NTNG1: variants seen among roughly 807,000 people sequenced by gnomAD.
NTNG1 encodes the protein netrin G1, also known as netrin-G1.
A neutral mutation model predicts 54.0 loss-of-function variants in NTNG1; 16 were observed. The ratio of observed to expected loss-of-function variants is 0.30; its 90% CI spans 0.20 to 0.45. The LOEUF (loss-of-function observed/expected upper bound fraction) is 0.45. Among genes scored for constraint, NTNG1 ranks in the 20% least tolerant of loss-of-function variants. The pLI is 1.00. For synonymous variants in NTNG1, 255 were observed against 263.1 expected (o/e 0.97, Z 0.30); for missense variants, 530 against 678.7 (o/e 0.78, Z 2.43).
intron 7 of NTNG1, among the ~76,000 whole-genome samples, chr1:107,474,326 A>G (rs542029097): frequency 1.8e-4 from 27 of 152,354 alleles, no homozygotes; most frequent in Admixed American, 7.2e-4. Context: ...CAGGGCACCA[A>G]GTAAAAAGTG....
intron 5 of NTNG1, among the ~76,000 whole-genome samples, chr1:107,418,302 G>A (rs1448738174): frequency 6.6e-6 from 1 of 151,994 alleles, no homozygotes; most frequent in Non-Finnish European, 1.5e-5. Context: ...GTCCTTATTT[G>A]TATTTTTGTG....
At chr1:107,400,915 G>T (rs893669030) in intron 4 of NTNG1, among the ~76,000 whole-genome samples, 2 of 152,178 alleles carry the variant, frequency 1.3e-5, no homozygotes, top group African/African-American at 2.4e-5. Context: ...TTCCCAAAGT[G>T]CTGGGATTAC....
intron 3 of NTNG1, among the ~76,000 whole-genome samples, chr1:107,358,137 C>A (rs2100933156): frequency 6.6e-6 from 1 of 152,162 alleles, no homozygotes; most frequent in South Asian, 2.1e-4. Context: ...GCATATATAA[C>A]AATATGCACA....
chr1:107,227,245 A>C (rs1660748745), intron 2 of NTNG1, among the ~76,000 whole-genome samples: 1 of 152,138 alleles, frequency 6.6e-6, no homozygotes, highest in African/African-American at 2.4e-5. Context: ...GTGAGGGCTC[A>C]GCAAATGTTG....
At chr1:107,249,511 G>T (rs1662446464) in intron 2 of NTNG1, among the ~76,000 whole-genome samples, 1 of 151,478 alleles carries the variant, frequency 6.6e-6, no homozygotes. Flanking sequence ...AGTTAGTTTG[G>T]GTAACTATAT....
At chr1:107,163,300 T>C (rs1655545591) in intron 2 of NTNG1, among the ~76,000 whole-genome samples, 1 of 152,198 alleles carries the variant, frequency 6.6e-6, no homozygotes, top group South Asian at 2.1e-4. Flanking sequence ...AGGTTCAAGA[T>C]GTACCTCAGT....
At chr1:107,382,717 T>A (rs1013220731) in intron 3 of NTNG1, among the ~76,000 whole-genome samples, 2 of 152,190 alleles carry the variant, frequency 1.3e-5, no homozygotes, top group African/African-American at 4.8e-5. Context: ...ACAAATAAGA[T>A]CAGATTCCTT....
chr1:107,198,377 A>G (rs1658492755), intron 2 of NTNG1, among the ~76,000 whole-genome samples: 1 of 151,994 alleles, frequency 6.6e-6, no homozygotes, highest in Admixed American at 6.6e-5. Context: ...CAGTTTCATT[A>G]TACTATGCTG....
chr1:107,401,315 A>G (rs1373292407), intron 4 of NTNG1, among the ~76,000 whole-genome samples: 1 of 152,166 alleles, frequency 6.6e-6, no homozygotes, highest in Non-Finnish European at 1.5e-5. Flanking sequence ...TCTTCCACAT[A>G]TGTGTATGAC....
chr1:107,356,666 G>A (rs766292941), intron 3 of NTNG1, among the ~76,000 whole-genome samples: 17 of 151,782 alleles, frequency 1.1e-4, no homozygotes, highest in Non-Finnish European at 2.2e-4. Context: ...TTTTCTGAAG[G>A]GAGTCAAGTC....
intron 2 of NTNG1, among the ~76,000 whole-genome samples, chr1:107,156,867 A>G (rs1433776346): frequency 1.3e-5 from 2 of 152,178 alleles, no homozygotes; most frequent in African/African-American, 2.4e-5. Flanking sequence ...CCTTGACCAC[A>G]TGGTATTAAG....
chr1:107,286,167 AATTATCC>A (rs1400271198), intron 2 of NTNG1, among the ~76,000 whole-genome samples: 1 of 152,128 alleles, frequency 6.6e-6, no homozygotes, highest in African/African-American at 2.4e-5. Flanking sequence ...CTAATTCCGT[AATTATCC>A]AGGTGCCATG....
rs574952989 is a variant in NTNG1 at position 107,401,244 on chromosome 1, T to C, written c.1060+5918T>C. Among the ~76,000 whole-genome samples the C allele has an allele frequency of 6.5e-4, 99 of 152,252 alleles. 1 individual carries two copies. Among genetic ancestry groups the C allele is most frequent in the African/African-American group, 2.3e-3 (95 of 41,566 alleles). On this transcript the variant is annotated intron_variant, in intron 4 of 7. Transcript: ENST00000370068. ...CCCCGAGGGTTATTTACTGCCTGGG[T>C]GGCTTGACTACCAGCCTTTCTGGCT... is the stretch of plus-strand genomic sequence containing the variant.
chr1:107,304,553 G>A (rs1257659565), intron 2 of NTNG1, among the ~76,000 whole-genome samples: 19 of 152,024 alleles, frequency 1.2e-4, no homozygotes, highest in Admixed American at 1.1e-3. Flanking sequence ...TTACTACTGG[G>A]ATTGAGAAAT....
At chr1:107,206,381 A>G (rs1414417843) in intron 2 of NTNG1, among the ~76,000 whole-genome samples, 1 of 152,032 alleles carries the variant, frequency 6.6e-6, no homozygotes, top group African/African-American at 2.4e-5. Flanking sequence ...TATTTTCCCT[A>G]TGGGTAATAA....
At chr1:107,336,528 AAAAC>A (rs376135185) in intron 3 of NTNG1, among the ~76,000 whole-genome samples, 32 of 152,188 alleles carry the variant, frequency 2.1e-4, no homozygotes, top group African/African-American at 7.5e-4. Context: ...TGTTTAGAAA[AAAAC>A]AAAGGAAGAA....
chr1:107,478,292 A>G (rs1264482808), intron 7 of NTNG1, among the ~76,000 whole-genome samples: 2 of 152,222 alleles, frequency 1.3e-5, no homozygotes, highest in African/African-American at 4.8e-5. Context: ...GAAATATATT[A>G]TAGGTTTTAT....
At chr1:107,314,128 G>A (rs1667188141) in intron 2 of NTNG1, among the ~76,000 whole-genome samples, 1 of 152,078 alleles carries the variant, frequency 6.6e-6, no homozygotes, top group African/African-American at 2.4e-5. Context: ...ATGAAGGCCA[G>A]GTGTGGTGGC....
chr1:107,242,490 A>G (rs1661909136), intron 2 of NTNG1, among the ~76,000 whole-genome samples: 1 of 152,178 alleles, frequency 6.6e-6, no homozygotes, highest in South Asian at 2.1e-4. Context: ...TAAATAGTAT[A>G]ACAATTGCAG....
Sources: gnomAD v4.1 joint callset for allele counts (sites outside exome capture counted in the v4.1 genomes callset) on GRCh38, gnomAD v4.1.1 for gene constraint, MANE v1.5 for transcripts, NCBI Gene and HGNC (gene_info 2026-07-23, HGNC 2026-07-21) for gene names.